Variants in GRB2 observed in about 807,000 individuals in gnomAD.
GRB2 encodes the protein growth factor receptor bound protein 2.
A neutral mutation model predicts 27.4 loss-of-function variants in GRB2; 2 were observed. The ratio of observed to expected loss-of-function variants is 0.07; its 90% CI spans 0.03 to 0.23. The LOEUF (loss-of-function observed/expected upper bound fraction) is 0.23. GRB2 is among the 10% of genes least tolerant of loss of function. The pLI is 1.00. For synonymous variants in GRB2, 94 were observed against 99.6 expected (o/e 0.94, Z 0.33); for missense variants, 102 against 282.4 (o/e 0.36, Z 4.58).
chr17:75,367,669 C>G (rs1338636489), intron 2 of GRB2, among the ~76,000 whole-genome samples: 1 of 152,194 alleles, frequency 6.6e-6, no homozygotes. Context: ...TCTAAACTAT[C>G]CACAGTACTT....
At chr17:75,370,997 A>G (rs2078851610) in intron 2 of GRB2, 1 of 152,216 alleles carries the variant, frequency 6.6e-6, no homozygotes, top group African/African-American at 2.4e-5. Context: ...TGGAATGTTT[A>G]TTGGGCAGTG....
intron 3 of GRB2, among the ~76,000 whole-genome samples, chr17:75,331,825 G>C: frequency 6.6e-6 from 1 of 152,150 alleles, no homozygotes; most frequent in East Asian, 1.9e-4. Context: ...TTTTGAGGAC[G>C]ACTGAAGGAA....
intron 2 of GRB2, among the ~76,000 whole-genome samples, chr17:75,386,382 T>C (rs1284046809): frequency 6.6e-6 from 1 of 152,196 alleles, no homozygotes; most frequent in Non-Finnish European, 1.5e-5. Context: ...CCTCCCAAAG[T>C]GCTGGGATTA....
Position 75,320,062 on chromosome 17 carries a change from A to C in GRB2, c.*306T>G. 1 of 263,866 alleles carries C rather than the reference A, an allele frequency of 3.8e-6. No homozygotes were observed. The highest frequency in any genetic ancestry group is 7.4e-6 in the Non-Finnish European group (1 of 134,264). The allele number at this position is 263,866 out of a possible 1,614,324, so 16.3% of individuals were successfully genotyped here. ...GTCAGCTAGGACTATACGTGGCCTT[A>C]AACGTCATGCACTGATGGACAGAAG... On this transcript the variant is annotated 3_prime_UTR_variant, in exon 6 of 6. Transcript: ENST00000316804. The surrounding 1 kb of genome is among the most constrained non-coding windows in gnomAD (Gnocchi z 4.3).
chr17:75,335,839 G>T (rs925797957), intron 2 of GRB2, among the ~76,000 whole-genome samples: 1 of 152,096 alleles, frequency 6.6e-6, no homozygotes, highest in African/African-American at 2.4e-5. Flanking sequence ...TCACATCAAA[G>T]ACTGGAATGA....
At chr17:75,361,815 T>C (rs2078783742) in intron 2 of GRB2, among the ~76,000 whole-genome samples, 5 of 151,994 alleles carry the variant, frequency 3.3e-5, no homozygotes, top group Admixed American at 2.6e-4. Flanking sequence ...GCAACTCTAT[T>C]AAAATGAGAG....
chr17:75,341,472 C>T lies in GRB2; in HGVS notation c.79-8675G>A, dbSNP rs770303819. On this transcript the variant is annotated intron_variant, in intron 2 of 5. Coordinates refer to ENST00000316804, the MANE Select transcript of GRB2 (RefSeq NM_002086.5). ...TAAAAAAAAAAAAAAAAAAAAAACA[C>T]AAAAGAAAAACAAAGGGTATTTGTT... Among the ~76,000 whole-genome samples the T allele has an allele frequency of 1.1e-3, 131 of 117,300 alleles. 1 individual carries two copies. In the Middle Eastern group the frequency reaches 0.018, roughly 16 times the overall value. 77.0% of individuals were successfully genotyped at this position (117,300 alleles called of 152,430 possible).
chr17:75,380,489 G>A (rs1292142148), intron 2 of GRB2, among the ~76,000 whole-genome samples: 1 of 152,108 alleles, frequency 6.6e-6, no homozygotes, highest in Non-Finnish European at 1.5e-5. Context: ...GAGTAAGGAT[G>A]TTTCATTAAG....
intron 4 of GRB2, among the ~76,000 whole-genome samples, chr17:75,323,061 G>A (rs949133667): frequency 4.0e-5 from 6 of 150,008 alleles, no homozygotes; most frequent in Non-Finnish European, 5.9e-5. Context: ...GGAGCTTGCA[G>A]TGAGCCGAGA....
intron 1 of GRB2, among the ~76,000 whole-genome samples, chr17:75,398,851 G>T (rs1400999158): frequency 6.6e-6 from 1 of 151,726 alleles, no homozygotes; most frequent in Non-Finnish European, 1.5e-5. Flanking sequence ...GGGTTCAAGC[G>T]ATTCTCCTGC....
At chr17:75,345,395 T>G (rs183855941) in intron 2 of GRB2, among the ~76,000 whole-genome samples, 122 of 152,182 alleles carry the variant, frequency 8.0e-4, no homozygotes, top group South Asian at 6.6e-3. Context: ...AAGGGGTCAA[T>G]GAAAGGACTG....
chr17:75,386,323 T>A (rs1162230004), intron 2 of GRB2, among the ~76,000 whole-genome samples: 1 of 152,182 alleles, frequency 6.6e-6, no homozygotes, highest in Non-Finnish European at 1.5e-5. Flanking sequence ...TTCACCATGT[T>A]GGCCGGGCTG....
At chr17:75,335,498 T>G (rs999878330) in intron 2 of GRB2, among the ~76,000 whole-genome samples, 1 of 151,920 alleles carries the variant, frequency 6.6e-6, no homozygotes, top group Non-Finnish European at 1.5e-5. Flanking sequence ...ATAGAAAGGG[T>G]AGATAAGAAT....
intron 2 of GRB2, among the ~76,000 whole-genome samples, chr17:75,363,716 C>T (rs576550964): frequency 5.3e-5 from 8 of 151,796 alleles, no homozygotes; most frequent in Admixed American, 3.3e-4. Flanking sequence ...AAAAATTAGC[C>T]GGGCATGGTA....
At chr17:75,339,002 A>G in intron 2 of GRB2, 3 of 1,253,852 alleles carry the variant, frequency 2.4e-6, no homozygotes, top group Non-Finnish European at 3.5e-6. Context: ...TTCCGGAAAA[A>G]GGCTGAAACC....
intron 1 of GRB2, among the ~76,000 whole-genome samples, chr17:75,396,289 C>A (rs1482234597): frequency 1.3e-5 from 2 of 151,930 alleles, no homozygotes; most frequent in East Asian, 3.9e-4. Flanking sequence ...GTTGTCCAGG[C>A]ACGAGTGCAG....
At position 75,386,353 on chromosome 17, in the gene GRB2, A is replaced by G. The variant is rs564684443; in HGVS notation, c.78+7198T>C. On this transcript the variant is annotated intron_variant, in intron 2 of 5. Coordinates refer to ENST00000316804, the MANE Select transcript of GRB2 (RefSeq NM_002086.5). The stretch of plus-strand genomic sequence containing the variant: ...GGGCTGGTCGCAAACTCTGACCTCA[A>G]GTGATCTACCCGCTTTGGCCTCCCA... Among the ~76,000 whole-genome samples the G allele has an allele frequency of 5.5e-4, 84 of 152,292 alleles. 1 individual carries two copies. The highest frequency in any genetic ancestry group is 1.9e-3 in the African/African-American group (81 of 41,560).
intron 1 of GRB2, among the ~76,000 whole-genome samples, chr17:75,404,443 T>C (rs2079085048): frequency 6.7e-6 from 1 of 149,152 alleles, no homozygotes; most frequent in Admixed American, 6.8e-5. Flanking sequence ...AGACGGAATC[T>C]TGAAATGAGA....
At chr17:75,378,401 A>C (rs1267092933) in intron 2 of GRB2, among the ~76,000 whole-genome samples, 2 of 151,784 alleles carry the variant, frequency 1.3e-5, no homozygotes. Flanking sequence ...CAAACAAACA[A>C]ACACCCAAAC....
Sources: allele counts gnomAD v4.1 joint callset (sites outside exome capture counted in the v4.1 genomes callset), GRCh38; gene constraint gnomAD v4.1.1; non-coding constraint Gnocchi (gnomAD v3.1); transcripts MANE v1.5; gene names NCBI Gene and HGNC (gene_info 2026-07-23, HGNC 2026-07-21).